GLIS1: variants seen among roughly 807,000 people sequenced by gnomAD.
The protein encoded by GLIS1 is GLIS family zinc finger 1, also known as zinc finger protein GLIS1.
A neutral mutation model predicts 63.8 loss-of-function variants in GLIS1; 24 were observed. The observed-to-expected ratio is 0.38, with a 90% CI of 0.27 to 0.53. The LOEUF is 0.53. Among genes scored for constraint, GLIS1 ranks in the 20% least tolerant of loss-of-function variants. The pLI is 0.85. For synonymous variants in GLIS1, 450 were observed against 482.5 expected (o/e 0.93, Z 0.88); for missense variants, 1,036 against 1,074.1 (o/e 0.96, Z 0.50).
At chr1:53,620,222 A>T (rs1490336073) in intron 2 of GLIS1, among the ~76,000 whole-genome samples, 1 of 152,202 alleles carries the variant, frequency 6.6e-6, no homozygotes, top group Non-Finnish European at 1.5e-5. Context: ...TCACGTTTAC[A>T]CAGATGACCT....
In GLIS1 at chr1:53,520,678, C is replaced by T; in HGVS notation, c.1682G>A (p.Ser561Asn). Residue 561 changes from serine to asparagine, a missense_variant, in exon 7 of 11, where the codon AGC becomes AAC. Ser to Asn is a conservative substitution (Grantham distance 46). Transcript: ENST00000628545. Reference protein sequence around the residue: ...QLHTSTQLAASDGKGGCGLGQ... With the variant: ...QLHTSTQLAANDGKGGCGLGQ... Reference sequence around the variant, plus strand: ...CAGGCCACAGCCACCCTTGCCGTCGCTGGCAGCCAGCTGTGTGGACGTGTG... The same window carrying T: ...CAGGCCACAGCCACCCTTGCCGTCGTTGGCAGCCAGCTGTGTGGACGTGTG... 6.2e-7 allele frequency: 1 copy of T among 1,610,522 alleles called. No individual in the cohort carries two copies. The highest frequency in any genetic ancestry group is 1.7e-5 in the Admixed American group (1 of 59,776).
intron 2 of GLIS1, among the ~76,000 whole-genome samples, chr1:53,619,074 G>A (rs995783842): frequency 2.0e-5 from 3 of 152,294 alleles, no homozygotes; most frequent in Non-Finnish European, 2.9e-5. Flanking sequence ...ATCCAGAGGC[G>A]GGGCTGGTCT....
intron 4 of GLIS1, among the ~76,000 whole-genome samples, chr1:53,558,283 C>A (rs1644852845): frequency 1.3e-5 from 2 of 152,202 alleles, no homozygotes; most frequent in Admixed American, 1.3e-4. Flanking sequence ...TGAGAGTCAG[C>A]CCAGGGCTTT....
intron 4 of GLIS1, among the ~76,000 whole-genome samples, chr1:53,547,235 G>A (rs1225795457): frequency 6.6e-6 from 1 of 152,222 alleles, no homozygotes; most frequent in Non-Finnish European, 1.5e-5. Flanking sequence ...CCTGCTCAAG[G>A]CTGCCCAGTA....
At chr1:53,691,322 C>T (rs1195520554) in intron 2 of GLIS1, among the ~76,000 whole-genome samples, 1 of 152,174 alleles carries the variant, frequency 6.6e-6, no homozygotes, top group African/African-American at 2.4e-5. Context: ...CCCCATCTGA[C>T]CCAGCCCTGC....
intron 2 of GLIS1, among the ~76,000 whole-genome samples, chr1:53,622,321 G>A (rs1023033447): frequency 4.0e-5 from 6 of 151,080 alleles, no homozygotes; most frequent in African/African-American, 1.5e-4. Context: ...CCAGCTACTC[G>A]GGAGACTGAG....
intron 2 of GLIS1, among the ~76,000 whole-genome samples, chr1:53,623,210 A>C (rs528593706): frequency 3.3e-5 from 5 of 152,356 alleles, no homozygotes; most frequent in Admixed American, 6.5e-5. Flanking sequence ...TTAATAGAAA[A>C]GATAACAAAC....
chr1:53,679,050 G>A (rs1646246491), intron 2 of GLIS1, among the ~76,000 whole-genome samples: 1 of 152,182 alleles, frequency 6.6e-6, no homozygotes, highest in African/African-American at 2.4e-5. Flanking sequence ...CCAGGCCCAG[G>A]TCTGAAGTTG....
At chr1:53,629,991 A>G (rs1349702812) in intron 2 of GLIS1, among the ~76,000 whole-genome samples, 2 of 152,228 alleles carry the variant, frequency 1.3e-5, no homozygotes, top group Non-Finnish European at 2.9e-5. Context: ...AAAGAATTCC[A>G]TAATTGCATC....
At chr1:53,687,148 G>A (rs1646345931) in intron 2 of GLIS1, among the ~76,000 whole-genome samples, 1 of 152,216 alleles carries the variant, frequency 6.6e-6, no homozygotes, top group African/African-American at 2.4e-5. Context: ...CCCAGGATGA[G>A]GCAAACGAGA....
chr1:53,609,216 C>A (rs1645400751), intron 2 of GLIS1, among the ~76,000 whole-genome samples: 1 of 149,686 alleles, frequency 6.7e-6, no homozygotes, highest in South Asian at 2.1e-4. Context: ...TCCATTTATA[C>A]CATTTACATT....
chr1:53,613,606 C>T (rs1358083788), intron 2 of GLIS1, among the ~76,000 whole-genome samples: 1 of 151,900 alleles, frequency 6.6e-6, no homozygotes, highest in East Asian at 1.9e-4. Context: ...ATAAATTAAA[C>T]ATGCAGAGCT....
chr1:53,736,712 T>C (rs1423164227), intron 2 of GLIS1, among the ~76,000 whole-genome samples: 1 of 152,174 alleles, frequency 6.6e-6, no homozygotes, highest in Non-Finnish European at 1.5e-5. Context: ...GTCAAGTGTT[T>C]TCTTCAAAAA....
chr1:53,634,846 T>A (rs889573765), intron 2 of GLIS1, among the ~76,000 whole-genome samples: 1 of 152,130 alleles, frequency 6.6e-6, no homozygotes, highest in South Asian at 2.1e-4. Context: ...ACGCTTCCCC[T>A]TGACAACACT....
At chr1:53,600,841 C>T (rs866089709) in intron 2 of GLIS1, among the ~76,000 whole-genome samples, 1 of 152,248 alleles carries the variant, frequency 6.6e-6, no homozygotes, top group Admixed American at 6.5e-5. Context: ...CACAGAAACA[C>T]AGTGTGCAAT....
Position 53,520,742 on chromosome 1 carries a change from C to T in GLIS1, c.1618G>A (p.Ala540Thr), listed in dbSNP as rs970976589. The T allele has an allele frequency of 6.2e-7, 1 of 1,607,476 alleles. No homozygotes were observed. Among genetic ancestry groups the T allele is most frequent in the African/African-American group, 1.3e-5 (1 of 74,852 alleles). ...ACCAGACACTCGGTCAGGACGTCGG[C>T]CTCGGTGTCAGGGCCCGCATGCAGC... ...KKLHAGPDTEADVLTECLVLQ... is the reference protein window; with the variant it reads ...KKLHAGPDTETDVLTECLVLQ... The change falls in exon 7 of 11, where the codon GCC becomes ACC. Residue 540 changes from alanine to threonine, a missense_variant. Ala to Thr is a moderately conservative substitution (Grantham distance 58). Coordinates refer to ENST00000628545, the MANE Select transcript of GLIS1 (RefSeq NM_001367484.1).
In GLIS1 at chr1:53,589,340, A is replaced by G. The variant is rs150607867; in HGVS notation, c.1320+4768T>C. On this transcript the variant is annotated intron_variant, in intron 4 of 10. Coordinates refer to ENST00000628545, the MANE Select transcript of GLIS1 (RefSeq NM_001367484.1). ...GATAAAACCATCTCTGAATCTCAGT[A>G]AGGAGCAACTCCCTTTAGCTCCCCC... Among the ~76,000 whole-genome samples the G allele has an allele frequency of 2.6e-5, 4 of 152,308 alleles. No homozygotes were observed. The East Asian group carries it at 7.7e-4, about 29-fold the overall frequency.
At chr1:53,553,000 G>A (rs1237965839) in intron 4 of GLIS1, among the ~76,000 whole-genome samples, 1 of 152,224 alleles carries the variant, frequency 6.6e-6, no homozygotes, top group Non-Finnish European at 1.5e-5. Flanking sequence ...GAATCAGCTG[G>A]TGGCAGGACT....
At chr1:53,585,380 T>G in intron 4 of GLIS1, among the ~76,000 whole-genome samples, 2 of 152,022 alleles carry the variant, frequency 1.3e-5, no homozygotes, top group Non-Finnish European at 2.9e-5. Context: ...TGACTTGTCT[T>G]GAGGTCTCAC....
Sources: allele counts gnomAD v4.1 joint callset (sites outside exome capture counted in the v4.1 genomes callset), GRCh38; gene constraint gnomAD v4.1.1; transcripts MANE v1.5; gene names NCBI Gene and HGNC (gene_info 2026-07-23, HGNC 2026-07-21).